Variants in EMID1 observed in about 807,000 individuals in gnomAD.
EMID1 encodes EMI domain containing 1.
In EMID1, 40 loss-of-function variants were observed where a neutral mutation model predicts 60.6. The observed-to-expected ratio is 0.66, with a 90% CI of 0.51 to 0.86. The LOEUF is 0.86. EMID1 is among the 40% of genes least tolerant of loss of function. The pLI is 0.00. For missense variants in EMID1, 585 were observed against 597.1 expected, an observed-to-expected ratio of 0.98 and a Z score of 0.21; for synonymous variants, 242 against 231.0, an observed-to-expected ratio of 1.05 and a Z score of -0.43.
chr22:29,253,260 C>T (rs1815614402), intron 13 of EMID1, among the ~76,000 whole-genome samples: 1 of 152,240 alleles, frequency 6.6e-6, no homozygotes. Context: ...GCCTGGGCAA[C>T]ATAGCAAGAC....
Position 29,206,003 on chromosome 22 carries a change from C to T in EMID1, c.-36C>T. Reference sequence around the variant, plus strand: ...GGGAGGACAGGCTGGGGGCGGCGACCGCGAGGGGCCGCGCGCGGAGGGCGC... The same window carrying T: ...GGGAGGACAGGCTGGGGGCGGCGACTGCGAGGGGCCGCGCGCGGAGGGCGC... On this transcript the variant is annotated 5_prime_UTR_variant, in exon 1 of 15. Transcript: ENST00000334018. 1 of 1,183,962 alleles carries T rather than the reference C, an allele frequency of 8.4e-7. No homozygotes were observed. The highest frequency in any genetic ancestry group is 1.0e-6 in the Non-Finnish European group (1 of 955,464). The allele number at this position is 1,183,962 out of a possible 1,614,324, so 73.3% of individuals were successfully genotyped here.
chr22:29,250,576 T>C (rs1191126977), intron 13 of EMID1, among the ~76,000 whole-genome samples: 1 of 151,572 alleles, frequency 6.6e-6, no homozygotes, highest in Non-Finnish European at 1.5e-5. Flanking sequence ...TTTTTTCTTT[T>C]TTTAATTTGA....
intron 3 of EMID1, among the ~76,000 whole-genome samples, chr22:29,221,304 T>A (rs1302314757): frequency 6.6e-6 from 1 of 152,060 alleles, no homozygotes; most frequent in Non-Finnish European, 1.5e-5. Flanking sequence ...TCTCAGCTCA[T>A]GGGGGCCTGT....
chr22:29,253,538 C>T (rs1807578), intron 13 of EMID1, among the ~76,000 whole-genome samples: 1,870 of 152,122 alleles, frequency 0.012, 19 homozygotes, highest in Middle Eastern at 0.034. Context: ...GCTGAGATCG[C>T]GCCATTGCAC....
intron 12 of EMID1, among the ~76,000 whole-genome samples, chr22:29,239,008 GTTTC>G (rs976806357): frequency 3.5e-5 from 5 of 144,346 alleles, no homozygotes; most frequent in Admixed American, 2.7e-4. Flanking sequence ...TATTGCTTGT[GTTTC>G]TTTCTCTTTT....
At chr22:29,251,382 ATT>A (rs59254675) in intron 13 of EMID1, among the ~76,000 whole-genome samples, 8,663 of 143,354 alleles carry the variant, frequency 0.06, 331 homozygotes, top group Non-Finnish European at 0.079. Flanking sequence ...GCATCTGGCC[ATT>A]TTTTTTTTTT....
At chr22:29,232,033 T>C (rs1193269451) in intron 7 of EMID1, 2 of 602,590 alleles carry the variant, frequency 3.3e-6, no homozygotes, top group African/African-American at 3.7e-5. Context: ...TATGAGGGGT[T>C]TTGGGGGTTT....
intron 13 of EMID1, among the ~76,000 whole-genome samples, chr22:29,247,727 T>G (rs760709606): frequency 6.6e-6 from 1 of 152,154 alleles, no homozygotes; most frequent in Non-Finnish European, 1.5e-5. Flanking sequence ...ATCTCCAGGT[T>G]CAAGCGATTC....
chr22:29,232,437 G>A (rs2040787117), intron 8 of EMID1, 35 bp downstream of exon 8: 1 of 1,519,716 alleles, frequency 6.6e-7, no homozygotes, highest in Non-Finnish European at 8.8e-7. Context: ...GGTGGAGGTG[G>A]GGGTGGAGTA....
chr22:29,234,204 G>A lies in EMID1; in HGVS notation c.1029+5G>A. 6.2e-7 allele frequency: 1 copy of A among 1,606,768 alleles called. No individual in the cohort carries two copies. The highest frequency in any genetic ancestry group is 1.1e-5 in the South Asian group (1 of 89,746). On this transcript the variant is annotated splice_donor_5th_base_variant and intron_variant, in intron 11 of 14. Coordinates refer to ENST00000334018, the MANE Select transcript of EMID1 (RefSeq NM_133455.4). Reference sequence around the variant, plus strand: ...CCAGGAGAGAAGGGCGAGAGAGTGAGTACCCAGGTGGCCCCAGGTGGGGGA... The same window carrying A: ...CCAGGAGAGAAGGGCGAGAGAGTGAATACCCAGGTGGCCCCAGGTGGGGGA...
intron 13 of EMID1, among the ~76,000 whole-genome samples, chr22:29,245,636 G>A (rs879882848): frequency 3.9e-5 from 6 of 152,192 alleles, no homozygotes; most frequent in Admixed American, 3.3e-4. Context: ...CAAGGTCCCC[G>A]AGGGCTCCTA....
chr22:29,249,553 G>A (rs983314043), intron 13 of EMID1, among the ~76,000 whole-genome samples: 1 of 151,500 alleles, frequency 6.6e-6, no homozygotes, highest in Admixed American at 6.6e-5. Flanking sequence ...GATTACAGGC[G>A]TGAGCCACTG....
chr22:29,207,982 A>G (rs2039738307), intron 1 of EMID1, among the ~76,000 whole-genome samples: 1 of 152,212 alleles, frequency 6.6e-6, no homozygotes, highest in Non-Finnish European at 1.5e-5. Flanking sequence ...TGTGACCTCA[A>G]GTGGGTCACT....
chr22:29,235,616 A>G (rs75263752), intron 12 of EMID1, among the ~76,000 whole-genome samples: 4,400 of 151,708 alleles, frequency 0.029, 93 homozygotes, highest in Non-Finnish European at 0.046. Context: ...CCTAGGCTGA[A>G]CTCAAACTCC....
intron 3 of EMID1, among the ~76,000 whole-genome samples, chr22:29,216,834 C>T (rs1046439149): frequency 6.6e-6 from 1 of 152,224 alleles, no homozygotes; most frequent in Admixed American, 6.5e-5. Flanking sequence ...CCCAGTGAAG[C>T]CGGGAAGAAA....
intron 13 of EMID1, among the ~76,000 whole-genome samples, chr22:29,251,380 C>A (rs1340214696): frequency 1.1e-4 from 7 of 66,512 alleles, no homozygotes; most frequent in African/African-American, 1.3e-4. Flanking sequence ...CTGCATCTGG[C>A]CATTTTTTTT....
chr22:29,251,793 T>C (rs2041537298), intron 13 of EMID1, among the ~76,000 whole-genome samples: 1 of 152,094 alleles, frequency 6.6e-6, no homozygotes, highest in South Asian at 2.1e-4. Flanking sequence ...GCCTCCCAAG[T>C]AACTAGGACT....
chr22:29,244,320 G>A (rs5763089), intron 13 of EMID1, among the ~76,000 whole-genome samples: 20,843 of 152,060 alleles, frequency 0.14, 1,663 homozygotes, highest in East Asian at 0.23. Flanking sequence ...CCGGGATGCC[G>A]TGGCTCCTAC....
intron 1 of EMID1, among the ~76,000 whole-genome samples, chr22:29,210,629 C>T (rs2039848192): frequency 6.6e-6 from 1 of 152,184 alleles, no homozygotes; most frequent in Non-Finnish European, 1.5e-5. Context: ...AACTCCTGAG[C>T]TGAAACGATC....
Sources: gnomAD v4.1 joint callset for allele counts (sites outside exome capture counted in the v4.1 genomes callset) on GRCh38, gnomAD v4.1.1 for gene constraint, MANE v1.5 for transcripts, NCBI Gene and HGNC (gene_info 2026-07-23, HGNC 2026-07-21) for gene names.